LRRC37A2: variants seen among roughly 807,000 people sequenced by gnomAD.
LRRC37A2 encodes the protein leucine-rich repeat-containing protein 37A2.
LRRC37A2 carries 9 observed loss-of-function variants against 68.8 expected under a neutral mutation model. The observed-to-expected ratio is 0.13, with a 90% CI of 0.08 to 0.23. LRRC37A2 has a LOEUF of 0.23. LRRC37A2 is among the 10% of genes least tolerant of loss of function. The probability of loss-of-function intolerance (pLI) is 1.00; values close to 1 mark genes in which losing one functional copy is unlikely to be tolerated. For synonymous variants in LRRC37A2, 63 were observed against 367.6 expected, an observed-to-expected ratio of 0.17 and a Z score of 9.48; for missense variants, 168 against 950.4, an observed-to-expected ratio of 0.18 and a Z score of 10.82.
the LRRC37A2 span, among the ~76,000 whole-genome samples, chr17:46,635,743 A>G: frequency 8.2e-6 from 1 of 121,320 alleles, no homozygotes; most frequent in African/African-American, 3.1e-5. Context: ...AAATTTTAGG[A>G]CAAGTATCTT....
the LRRC37A2 span, among the ~76,000 whole-genome samples, chr17:46,927,239 TG>T: frequency 6.6e-6 from 1 of 152,260 alleles, no homozygotes; most frequent in African/African-American, 2.4e-5. Context: ...TTTGACTTTT[TG>T]TATTGATTTG....
chr17:46,716,388 C>T, the LRRC37A2 span, among the ~76,000 whole-genome samples: 2 of 151,954 alleles, frequency 1.3e-5, no homozygotes, highest in Non-Finnish European at 2.9e-5. Flanking sequence ...TCCCAAGTAG[C>T]TGGGACTACA....
the LRRC37A2 span, chr17:46,936,050 A>G: frequency 1.0e-6 from 1 of 985,754 alleles, no homozygotes; most frequent in Non-Finnish European, 1.2e-6. Context: ...AGTCCCTGCC[A>G]TCTCTACGGG....
At chr17:46,474,088 C>T in the LRRC37A2 span, among the ~76,000 whole-genome samples, 2 of 105,490 alleles carry the variant, frequency 1.9e-5, no homozygotes, top group African/African-American at 6.9e-5. Context: ...CTCACTCTGT[C>T]GCCCAGGCTG....
the LRRC37A2 span, among the ~76,000 whole-genome samples, chr17:46,790,932 T>C: frequency 6.6e-6 from 1 of 152,216 alleles, no homozygotes; most frequent in Non-Finnish European, 1.5e-5. Flanking sequence ...TGCAGCCTCA[T>C]GCGTCATCTG....
the LRRC37A2 span, among the ~76,000 whole-genome samples, chr17:46,761,423 C>T: frequency 6.6e-6 from 1 of 151,702 alleles, no homozygotes; most frequent in Non-Finnish European, 1.5e-5. Context: ...CCTCCGCCTC[C>T]CAGGTTCAAG....
the LRRC37A2 span, among the ~76,000 whole-genome samples, chr17:46,896,458 AAG>A: frequency 1.4e-5 from 2 of 141,392 alleles, no homozygotes; most frequent in Admixed American, 6.9e-5. Flanking sequence ...AAGAAAAAGA[AAG>A]AAAGAAAGAA....
At chr17:46,449,755 C>CT in the LRRC37A2 span, among the ~76,000 whole-genome samples, 6,244 of 88,634 alleles carry the variant, frequency 0.07, 1,681 homozygotes, top group African/African-American at 0.25. Context: ...GTTTGATTTT[C>CT]TTTTTTTTTT....
At chr17:46,907,894 G>A in the LRRC37A2 span, among the ~76,000 whole-genome samples, 5 of 151,872 alleles carry the variant, frequency 3.3e-5, no homozygotes, top group African/African-American at 7.3e-5. Flanking sequence ...TGAAAAACAG[G>A]AGCAGACAAA....
chr17:46,938,975 G>C, the LRRC37A2 span: 5 of 1,422,866 alleles, frequency 3.5e-6, no homozygotes, highest in South Asian at 2.7e-5. Flanking sequence ...GCGGTGCTTA[G>C]GAAATGAAAG....
chr17:46,949,945 C>T, the LRRC37A2 span, among the ~76,000 whole-genome samples: 1 of 152,208 alleles, frequency 6.6e-6, no homozygotes. Context: ...TCATTAGTCC[C>T]TGCCCTCCTC....
the LRRC37A2 span, among the ~76,000 whole-genome samples, chr17:46,905,327 CG>C: frequency 6.6e-6 from 1 of 152,124 alleles, no homozygotes; most frequent in African/African-American, 2.4e-5. Flanking sequence ...CCACCTGCCT[CG>C]GCCTCCCAAA....
At chr17:46,773,622 C>CGG in the LRRC37A2 span, 5 of 506,094 alleles carry the variant, frequency 9.9e-6, no homozygotes, top group Non-Finnish European at 1.8e-5. Context: ...GTCCTGATCC[C>CGG]TCCCCCCACC....
chr17:47,014,025 G>A, the LRRC37A2 span, among the ~76,000 whole-genome samples: 5 of 152,046 alleles, frequency 3.3e-5, no homozygotes, highest in East Asian at 3.9e-4. Flanking sequence ...CCCGGGAGGC[G>A]GAGGTTGCAG....
the LRRC37A2 span, among the ~76,000 whole-genome samples, chr17:46,759,991 G>A: frequency 2.6e-5 from 4 of 152,190 alleles, no homozygotes; most frequent in Non-Finnish European, 5.9e-5. Flanking sequence ...AGACTGGGCA[G>A]GGTGTGATGG....
intron 8 of LRRC37A2, among the ~76,000 whole-genome samples, chr17:46,543,682 A>C (rs2055830499): frequency 6.6e-6 from 1 of 151,012 alleles, no homozygotes. Context: ...CACACACGGA[A>C]AGCTAATGTG....
At chr17:46,826,087 G>A in the LRRC37A2 span, among the ~76,000 whole-genome samples, 6 of 152,336 alleles carry the variant, frequency 3.9e-5, no homozygotes, top group Admixed American at 2.0e-4. Flanking sequence ...GGGGTCTTGC[G>A]GGGAAGACTT....
chr17:46,768,678 T>C, the LRRC37A2 span: 1 of 1,614,156 alleles, frequency 6.2e-7, no homozygotes, highest in Non-Finnish European at 8.5e-7. The surrounding 1 kb of genome is among the most constrained non-coding windows in gnomAD (Gnocchi z 5.0). Flanking sequence ...GCTGTCATAC[T>C]TGTCCTTGAG....
chr17:46,983,545 C>T, the LRRC37A2 span, among the ~76,000 whole-genome samples: 41 of 152,162 alleles, frequency 2.7e-4, no homozygotes, highest in African/African-American at 9.4e-4. Flanking sequence ...CCACCTGCCT[C>T]GGCCTCCCAA....
Sources: gnomAD v4.1 joint callset for allele counts (sites outside exome capture counted in the v4.1 genomes callset) on GRCh38, gnomAD v4.1.1 for gene constraint, Gnocchi (gnomAD v3.1) non-coding constraint, MANE v1.5 for transcripts, NCBI Gene and HGNC (gene_info 2026-07-23, HGNC 2026-07-21) for gene names.